Variants in SPANXN2 observed in about 807,000 individuals in gnomAD.
SPANXN2 encodes sperm protein associated with the nucleus on the X chromosome N2.
A neutral mutation model predicts 2.0 loss-of-function variants in SPANXN2; 1 was observed. The ratio of observed to expected loss-of-function variants is 0.50; its 90% CI spans 0.18 to 2.36. SPANXN2 has a LOEUF of 2.36. Ranked by LOEUF, SPANXN2 falls within the 30% of genes most tolerant of loss-of-function variation. The pLI, the probability that SPANXN2 is intolerant of heterozygous loss-of-function variation, is 0.26. For synonymous variants in SPANXN2, 43 were observed against 49.8 expected (o/e 0.86, Z 0.58); for missense variants, 88 against 116.7 (o/e 0.75, Z 1.13).
chrX:143,715,895 T>C (rs1932253325), intron 1 of SPANXN2, among the ~76,000 whole-genome samples: 1 of 111,585 alleles, frequency 9.0e-6, no homozygotes, highest in South Asian at 3.8e-4. Flanking sequence ...CTCCTTTGTA[T>C]TGAACTAAAA....
Position 143,712,788 on chromosome X carries a change from G to A in SPANXN2, c.79-289C>T, listed in dbSNP as rs782531117. ...GGGCTCAGGCCGTGAGAAACATCCT[G>A]CCTAACCACCTGACCACAGGGCGGA... is the stretch of plus-strand genomic sequence containing the variant. On this transcript the variant is annotated intron_variant, in intron 1 of 1. Transcript: ENST00000598475. Among the ~76,000 whole-genome samples the A allele has an allele frequency of 5.1e-4, 57 of 111,693 alleles. 1 individual carries two copies. Among genetic ancestry groups the A allele is most frequent in the African/African-American group, 1.9e-3 (57 of 30,737 alleles).
intron 1 of SPANXN2, among the ~76,000 whole-genome samples, chrX:143,713,295 CA>C (rs1415088290): frequency 3.6e-5 from 4 of 111,529 alleles, no homozygotes; most frequent in African/African-American, 1.3e-4. Context: ...TAGTCTTCTC[CA>C]GACCTGGGCT....
chrX:143,720,215 G>C (rs141226868), intron 1 of SPANXN2, among the ~76,000 whole-genome samples: 1 of 110,982 alleles, frequency 9.0e-6, no homozygotes, highest in South Asian at 3.8e-4. Context: ...ACGGGGGTTC[G>C]GGCCATGAGA....
At chrX:143,717,966 C>A (rs1192404050) in intron 1 of SPANXN2, among the ~76,000 whole-genome samples, 2 of 111,916 alleles carry the variant, frequency 1.8e-5, no homozygotes, top group African/African-American at 6.5e-5. Flanking sequence ...CCCATATTAT[C>A]CACCGGTTTA....
intron 1 of SPANXN2, among the ~76,000 whole-genome samples, chrX:143,713,361 C>T (rs782713043): frequency 9.0e-5 from 10 of 111,417 alleles, no homozygotes; most frequent in Non-Finnish European, 1.5e-4. Flanking sequence ...TTCCTGTTTC[C>T]GGGCAGCTGC....
At chrX:143,716,023 C>T (rs1370295666) in intron 1 of SPANXN2, among the ~76,000 whole-genome samples, 1 of 111,425 alleles carries the variant, frequency 9.0e-6, no homozygotes, top group Non-Finnish European at 1.9e-5. Context: ...TGGACTTACA[C>T]CTAGACTGTA....
At chrX:143,713,230 C>T (rs1194756949) in intron 1 of SPANXN2, among the ~76,000 whole-genome samples, 1 of 111,803 alleles carries the variant, frequency 8.9e-6, no homozygotes, top group African/African-American at 3.3e-5. Context: ...AGACCAGGGC[C>T]TGCTTCCAGA....
At chrX:143,720,437 C>T (rs1232389374) in intron 1 of SPANXN2, among the ~76,000 whole-genome samples, 154 bp downstream of exon 1, 1 of 91,605 alleles carries the variant, frequency 1.1e-5, no homozygotes, top group African/African-American at 4.1e-5. Context: ...TACCTATAAG[C>T]ACCCCAGCCT....
At chrX:143,718,207 C>T (rs1440316171) in intron 1 of SPANXN2, among the ~76,000 whole-genome samples, 5 of 111,767 alleles carry the variant, frequency 4.5e-5, no homozygotes, top group East Asian at 5.6e-4. Context: ...TTCCTAAAAG[C>T]GCTCAGCCTA....
intron 1 of SPANXN2, among the ~76,000 whole-genome samples, chrX:143,712,820 C>T (rs1932191160): frequency 8.9e-6 from 1 of 111,733 alleles, no homozygotes; most frequent in Admixed American, 9.4e-5. Flanking sequence ...CGGACAAAGG[C>T]CCAACTAAAG....
Position 143,719,103 on chromosome X carries a change from C to T in SPANXN2, c.78+1488G>A, listed in dbSNP as rs1404771862. On this transcript the variant is annotated intron_variant, in intron 1 of 1. Coordinates refer to ENST00000598475, the Ensembl canonical transcript of SPANXN2. ...CGCAAAACCTGCTTATAATCTTGCT[C>T]GGCTAATCACCTTTCCCCCCCCACC... 3.6e-5 allele frequency among the ~76,000 whole-genome samples: 4 copies of T among 110,379 alleles called. No homozygotes were observed. In the East Asian group the frequency reaches 1.1e-3, roughly 31 times the overall value.
At chrX:143,718,005 T>C (rs1556450174) in intron 1 of SPANXN2, among the ~76,000 whole-genome samples, 2 of 111,883 alleles carry the variant, frequency 1.8e-5, no homozygotes, top group East Asian at 2.8e-4. Context: ...AGTCAGACAA[T>C]GGGCCAATTT....
chrX:143,717,792 C>T (rs1932293291), intron 1 of SPANXN2, among the ~76,000 whole-genome samples: 1 of 111,831 alleles, frequency 8.9e-6, no homozygotes, highest in Non-Finnish European at 1.9e-5. Context: ...CACACCAGAC[C>T]TGAGGACACT....
chrX:143,719,257 C>T lies in SPANXN2; in HGVS notation c.78+1334G>A, dbSNP rs148314343. Among the ~76,000 whole-genome samples the T allele has an allele frequency of 1.8e-3, 205 of 111,021 alleles. 1 individual carries two copies. Among genetic ancestry groups the T allele is most frequent in the African/African-American group, 6.3e-3 (193 of 30,493 alleles). ...TCTTATCAACCCCTCCCCTTTCTGC[C>T]GGAGCCGCTCTCCATGTATCCAAGT... is the stretch of plus-strand genomic sequence containing the variant. On this transcript the variant is annotated intron_variant, in intron 1 of 1. Coordinates refer to ENST00000598475, the Ensembl canonical transcript of SPANXN2.
intron 1 of SPANXN2, among the ~76,000 whole-genome samples, chrX:143,716,324 C>G (rs1434460909): frequency 1.8e-5 from 2 of 110,563 alleles, no homozygotes; most frequent in Non-Finnish European, 3.8e-5. Flanking sequence ...ATGAAAGGAG[C>G]CAATTTGGGA....
chrX:143,718,183 C>A (rs1282009764), intron 1 of SPANXN2, among the ~76,000 whole-genome samples: 2 of 111,675 alleles, frequency 1.8e-5, no homozygotes, highest in Non-Finnish European at 3.8e-5. Context: ...GTTCCTCATG[C>A]GATTATGAGT....
intron 1 of SPANXN2, among the ~76,000 whole-genome samples, chrX:143,713,536 C>A (rs1932203846): frequency 9.0e-6 from 1 of 111,452 alleles, no homozygotes; most frequent in Non-Finnish European, 1.9e-5. Flanking sequence ...TGACTGCAGC[C>A]TCCCTTCTTA....
At chrX:143,719,596 T>C (rs1932326020) in intron 1 of SPANXN2, among the ~76,000 whole-genome samples, 1 of 112,307 alleles carries the variant, frequency 8.9e-6, no homozygotes. Flanking sequence ...CCTAGTGTCT[T>C]CTTCCTTTGC....
chrX:143,712,362 C>T, exon 2 of SPANXN2: 1 of 1,212,631 alleles, frequency 8.2e-7, no homozygotes, highest in African/African-American at 1.7e-5. Flanking sequence ...TCTCTCGGGA[C>T]TGGTCCTTCT....
Sources: gnomAD v4.1 joint callset for allele counts (sites outside exome capture counted in the v4.1 genomes callset) on GRCh38, gnomAD v4.1.1 for gene constraint, MANE v1.5 for transcripts, NCBI Gene and HGNC (gene_info 2026-07-23, HGNC 2026-07-21) for gene names.